Variants in HSH2D observed in about 807,000 individuals in gnomAD.
HSH2D encodes the protein hematopoietic SH2 domain-containing protein.
Under a neutral mutation model 21.5 loss-of-function variants are expected in HSH2D, and 16 were observed. The ratio of observed to expected loss-of-function variants is 0.74; its 90% confidence interval spans 0.50 to 1.13. The LOEUF is 1.13. Among genes scored for constraint, HSH2D ranks in the 50% most tolerant of loss-of-function variants. The pLI is 0.00. For missense variants in HSH2D, 418 were observed against 441.4 expected (o/e 0.95, Z 0.47); for synonymous variants, 172 against 184.7 (o/e 0.93, Z 0.56).
intron 1 of HSH2D, among the ~76,000 whole-genome samples, chr19:16,144,686 C>T (rs200207695): frequency 2.9e-4 from 25 of 85,936 alleles, no homozygotes; most frequent in East Asian, 9.1e-4. Context: ...ATTCTAGGCT[C>T]TTTTTTTTTT....
At chr19:16,156,283 G>A (rs950356169) in intron 5 of HSH2D, among the ~76,000 whole-genome samples, 2 of 151,890 alleles carry the variant, frequency 1.3e-5, no homozygotes, top group Non-Finnish European at 2.9e-5. Context: ...CTGGGAGGTC[G>A]AGGCTGCAGT....
At chr19:16,153,329 C>A in intron 4 of HSH2D, 121 bp downstream of exon 4, 2 of 978,758 alleles carry the variant, frequency 2.0e-6, no homozygotes, top group Non-Finnish European at 2.9e-6. Flanking sequence ...GTCCTTGGCC[C>A]CTCCGGCCCC....
intron 1 of HSH2D, among the ~76,000 whole-genome samples, chr19:16,145,412 C>T (rs1027197123): frequency 6.6e-6 from 1 of 151,922 alleles, no homozygotes; most frequent in African/African-American, 2.4e-5. Context: ...GGGGTTTCAC[C>T]ATGTTGGCCA....
At chr19:16,134,750 A>G (rs2090949215) in intron 1 of HSH2D, among the ~76,000 whole-genome samples, 1 of 152,000 alleles carries the variant, frequency 6.6e-6, no homozygotes, top group Admixed American at 6.6e-5. Flanking sequence ...CATGGGTTTC[A>G]GGTCCTCACC....
At chr19:16,156,109 T>G (rs893532171) in intron 5 of HSH2D, among the ~76,000 whole-genome samples, 3 of 151,934 alleles carry the variant, frequency 2.0e-5, no homozygotes, top group Admixed American at 6.6e-5. Context: ...TTCCCAGTGC[T>G]TTGGGAGGCT....
chr19:16,150,917 C>G (rs914927337), intron 2 of HSH2D, among the ~76,000 whole-genome samples: 3 of 152,134 alleles, frequency 2.0e-5, no homozygotes, highest in Non-Finnish European at 2.9e-5. Flanking sequence ...TTTTGGAAAT[C>G]AGTACAAAAG....
Position 16,148,791 on chromosome 19 carries a change from G to C in HSH2D, c.41G>C (p.Arg14Pro). ...AGKLPLPLPPRLDWFVHTQMG... is the reference protein window; with the variant it reads ...AGKLPLPLPPPLDWFVHTQMG... Reference sequence around the variant, plus strand: ...AAGCTGCCCCTACCGCTACCCCCACGGCTGGACTGGTTTGTGCACACCCAG... The same window carrying C: ...AAGCTGCCCCTACCGCTACCCCCACCGCTGGACTGGTTTGTGCACACCCAG... Residue 14 changes from arginine (R) to proline (P), a missense_variant, in exon 2 of 6, where the codon CGG becomes CCG. Physicochemically the swap from Arg to Pro is moderately radical, Grantham distance 103. Coordinates refer to ENST00000613986, the MANE Select transcript of HSH2D (RefSeq NM_001382417.1). 6.2e-7 allele frequency: 1 copy of C among 1,613,846 alleles called. No individual in the cohort carries two copies. Among genetic ancestry groups the C allele is most frequent in the Non-Finnish European group, 8.5e-7 (1 of 1,179,840 alleles).
Position 16,157,749 on chromosome 19 carries a change from G to C in HSH2D, c.1014G>C (p.Pro338=), listed in dbSNP as rs544007599. The C allele has an allele frequency of 2.5e-6, 4 of 1,611,462 alleles. No individual in the cohort carries two copies. The highest frequency in any genetic ancestry group is 1.3e-5 in the African/African-American group (1 of 74,864). The change falls in exon 6 of 6, where the codon CCG becomes CCC. Residue 338 remains proline, a synonymous_variant. Transcript: ENST00000613986. This position sits in a 1 kb window ranked among gnomAD's most constrained non-coding sequence, Gnocchi z 4.4. ...CAGAGCCTGAGAACGACCAGCTCCC[G>C]GAGGAGTACCAACAACCGCCACCCT... The part of the protein sequence containing the change: ...GLAEPENDQL[P]EEYQQPPPFA...
chr19:16,145,900 A>G (rs1205103634), intron 1 of HSH2D, among the ~76,000 whole-genome samples: 2 of 151,974 alleles, frequency 1.3e-5, no homozygotes, highest in Non-Finnish European at 2.9e-5. Flanking sequence ...ACATGGTGAA[A>G]CCCCATCCCT....
At chr19:16,154,131 C>T (rs1463910735) in intron 4 of HSH2D, among the ~76,000 whole-genome samples, 1 of 151,424 alleles carries the variant, frequency 6.6e-6, no homozygotes, top group East Asian at 1.9e-4. Flanking sequence ...GGCGGGGCAT[C>T]TTTCCTTAGA....
rs921774498 is a variant in HSH2D, at chr19:16,157,728, G to T, written c.993G>T (p.Glu331Asp). The part of the protein sequence containing the change: ...ESKPEHQGLA[E>D]PENDQLPEEY... The stretch of plus-strand genomic sequence containing the variant: ...AGCCAGAGCACCAGGGCTTGGCAGA[G>T]CCTGAGAACGACCAGCTCCCGGAGG... The change falls in exon 6 of 6, where the codon GAG becomes GAT. Residue 331 changes from glutamate to aspartate, a missense_variant. Physicochemically the swap from Glu to Asp is conservative, Grantham distance 45. Coordinates refer to ENST00000613986, the MANE Select transcript of HSH2D (RefSeq NM_001382417.1). This position sits in a 1 kb window ranked among gnomAD's most constrained non-coding sequence, Gnocchi z 4.4. 3.1e-6 allele frequency: 5 copies of T among 1,612,954 alleles called. No individual in the cohort carries two copies. The highest frequency in any genetic ancestry group is 3.3e-5 in the Admixed American group (2 of 59,896).
intron 4 of HSH2D, among the ~76,000 whole-genome samples, chr19:16,153,694 A>C (rs1237251297): frequency 3.4e-5 from 5 of 148,698 alleles, no homozygotes; most frequent in Non-Finnish European, 7.4e-5. Flanking sequence ...CCTGGCTCCC[A>C]ATACGCTTTC....
At chr19:16,137,386 G>A (rs10411088) in intron 1 of HSH2D, among the ~76,000 whole-genome samples, 1 of 151,790 alleles carries the variant, frequency 6.6e-6, no homozygotes, top group Non-Finnish European at 1.5e-5. Context: ...CCAGCACTTT[G>A]GGAGGCCGAC....
rs2091264415 is a variant in HSH2D at position 16,158,370 on chromosome 19, T to TA, written c.*582dup. 1 of 151,806 alleles carries TA rather than the reference T, an allele frequency of 6.6e-6. No individual in the cohort carries two copies. Among genetic ancestry groups the TA allele is most frequent in the African/African-American group, 2.4e-5 (1 of 41,310 alleles). 9.4% of individuals were successfully genotyped at this position (151,806 alleles called of 1,614,324 possible). A position where few individuals can be genotyped will look rare whatever the true frequency, so the allele number is the denominator to read the frequency against. Reference sequence around the variant, plus strand: ...CAACATGGTGAAACCCCGTCTATACTAAAAAATTCAAAAATTACCCGGACG... The same window carrying TA: ...CAACATGGTGAAACCCCGTCTATACTAAAAAAATTCAAAAATTACCCGGACG... On this transcript the variant is annotated 3_prime_UTR_variant, in exon 6 of 6. Transcript: ENST00000613986.
intron 5 of HSH2D, among the ~76,000 whole-genome samples, chr19:16,156,645 A>C (rs749547010): frequency 1.9e-4 from 29 of 152,178 alleles, no homozygotes; most frequent in Non-Finnish European, 4.0e-4. Context: ...ATTGAGACGG[A>C]TGGTACAGCC....
chr19:16,147,927 GAGCCACCACGCCC>G (rs945615897), intron 1 of HSH2D, among the ~76,000 whole-genome samples: 3 of 151,662 alleles, frequency 2.0e-5, no homozygotes, highest in Non-Finnish European at 4.4e-5. Flanking sequence ...TTACAGGCGT[GAGCCACCACGCCC>G]AGCCACACAA....
intron 2 of HSH2D, chr19:16,151,693 G>T (rs1229836534): frequency 2.4e-6 from 1 of 414,734 alleles, no homozygotes; most frequent in African/African-American, 2.1e-5. Flanking sequence ...TGAGATCAAG[G>T]TCATCAGACG....
At chr19:16,134,188 G>A (rs1198120063) in exon 1 of HSH2D, 1 of 152,276 alleles carries the variant, frequency 6.6e-6, no homozygotes, top group Non-Finnish European at 1.5e-5. Flanking sequence ...TCACAGTGGG[G>A]TCACACACCC....
Position 16,157,955 on chromosome 19 carries a change from C to T in HSH2D, c.*161C>T, listed in dbSNP as rs2091260096. ...TTTGGGGTCTGTTCCTGCACTCACC[C>T]ATGGGGTGAGCTGGTTATTTTAGCA... On this transcript the variant is annotated 3_prime_UTR_variant, in exon 6 of 6. Coordinates refer to ENST00000613986, the MANE Select transcript of HSH2D (RefSeq NM_001382417.1). This position sits in a 1 kb window ranked among gnomAD's most constrained non-coding sequence, Gnocchi z 4.4. The T allele has an allele frequency of 1.7e-6, 1 of 583,942 alleles. No homozygotes were observed. The highest frequency in any genetic ancestry group is 2.3e-5 in the South Asian group (1 of 44,416). 36.2% of individuals were successfully genotyped at this position (583,942 alleles called of 1,614,324 possible).
Sources: gnomAD v4.1 joint callset for allele counts (sites outside exome capture counted in the v4.1 genomes callset) on GRCh38, gnomAD v4.1.1 for gene constraint, Gnocchi (gnomAD v3.1) non-coding constraint, MANE v1.5 for transcripts, NCBI Gene and HGNC (gene_info 2026-07-23, HGNC 2026-07-21) for gene names.